BBS9: variants seen among roughly 807,000 people sequenced by gnomAD.
BBS9 encodes the protein protein PTHB1.
In BBS9, 89 loss-of-function variants were observed where a neutral mutation model predicts 117.7. That is an observed-to-expected ratio of 0.76 (90% CI 0.64 to 0.90). The LOEUF (loss-of-function observed/expected upper bound fraction) is 0.90, where lower values mean the gene tolerates loss of function less well. Ranked by LOEUF, BBS9 falls within the 40% of genes least tolerant of loss-of-function variation. The probability of loss-of-function intolerance (pLI) is 0.00; values close to 1 mark genes in which losing one functional copy is unlikely to be tolerated. For synonymous variants in BBS9, 379 were observed against 370.9 expected (o/e 1.02, Z -0.25); for missense variants, 982 against 1,042.2 (o/e 0.94, Z 0.80).
intron 19 of BBS9, among the ~76,000 whole-genome samples, chr7:33,436,652 T>C (rs1282107922): frequency 2.0e-5 from 3 of 152,236 alleles, no homozygotes; most frequent in Non-Finnish European, 4.4e-5. Context: ...AGTCAAGCTG[T>C]TCTCTCTGCC....
At chr7:33,543,144 A>G (rs1183187630) in intron 21 of BBS9, among the ~76,000 whole-genome samples, 1 of 152,084 alleles carries the variant, frequency 6.6e-6, no homozygotes, top group Non-Finnish European at 1.5e-5. Flanking sequence ...TTTTTTGATT[A>G]TGGCCATTCT....
intron 9 of BBS9, among the ~76,000 whole-genome samples, chr7:33,334,817 G>A (rs957327181): frequency 3.9e-5 from 6 of 152,198 alleles, no homozygotes; most frequent in Admixed American, 1.3e-4. Flanking sequence ...CAGCATCAGA[G>A]CCAGACTCAA....
At chr7:33,167,485 C>T (rs1311640588) in intron 4 of BBS9, among the ~76,000 whole-genome samples, 1 of 151,430 alleles carries the variant, frequency 6.6e-6, no homozygotes, top group Non-Finnish European at 1.5e-5. Context: ...TCATTGCAAC[C>T]TCTGCCTCCC....
chr7:33,351,946 T>C (rs1818742729), intron 14 of BBS9: 1 of 155,488 alleles, frequency 6.4e-6, no homozygotes, highest in Non-Finnish European at 1.4e-5. Flanking sequence ...AAGAATCAAT[T>C]GGGAAAGGGC....
rs1862452747 is a variant in BBS9, at chr7:33,594,707, G to T, written c.2522-10158G>T. Among the ~76,000 whole-genome samples, 6 of 152,088 alleles carry T rather than the reference G, an allele frequency of 3.9e-5. No homozygotes were observed. In the South Asian group the frequency reaches 1.0e-3, roughly 26 times the overall value. On this transcript the variant is annotated intron_variant, in intron 21 of 22. Coordinates refer to ENST00000242067, the MANE Select transcript of BBS9 (RefSeq NM_198428.3). ...CTAGAGAGCAACAGCAGCATTGAAT[G>T]GTGTCAACCTGATTCACCATGCTGT... is the stretch of plus-strand genomic sequence containing the variant.
intron 9 of BBS9, among the ~76,000 whole-genome samples, chr7:33,302,550 A>T (rs985982089): frequency 6.6e-6 from 1 of 152,082 alleles, no homozygotes; most frequent in African/African-American, 2.4e-5. Context: ...TCCTCAATTT[A>T]TGTTCTTGAC....
chr7:33,495,766 T>C (rs975623782), intron 19 of BBS9, among the ~76,000 whole-genome samples: 7 of 152,206 alleles, frequency 4.6e-5, no homozygotes, highest in Non-Finnish European at 1.0e-4. Flanking sequence ...TTTTTAACTT[T>C]ATATTAGCCA....
At chr7:33,244,331 G>A (rs571318073) in intron 5 of BBS9, among the ~76,000 whole-genome samples, 1 of 152,292 alleles carries the variant, frequency 6.6e-6, no homozygotes, top group African/African-American at 2.4e-5. Context: ...TGTTACAGGT[G>A]AATGAAATTC....
chr7:33,178,395 T>C (rs1797632272), intron 5 of BBS9, among the ~76,000 whole-genome samples: 1 of 152,204 alleles, frequency 6.6e-6, no homozygotes, highest in African/African-American at 2.4e-5. Context: ...CTTCATTGTG[T>C]CCACTCAGTC....
chr7:33,273,770 A>C (rs1361024605), intron 8 of BBS9, 57 bp from the exon 9 acceptor site: 7 of 1,530,262 alleles, frequency 4.6e-6, no homozygotes, highest in Non-Finnish European at 6.3e-6. Flanking sequence ...TAAAAGAGAT[A>C]TACTTTTCCA....
intron 5 of BBS9, among the ~76,000 whole-genome samples, chr7:33,243,439 C>T (rs960150427): frequency 6.6e-6 from 1 of 152,142 alleles, no homozygotes; most frequent in Non-Finnish European, 1.5e-5. Flanking sequence ...TAGTAAAAGC[C>T]TATGCAGTAT....
intron 4 of BBS9, among the ~76,000 whole-genome samples, chr7:33,170,800 A>C (rs1376144967): frequency 1.3e-5 from 2 of 151,494 alleles, no homozygotes; most frequent in Non-Finnish European, 2.9e-5. Flanking sequence ...GCATTCTTAT[A>C]CACCAACAAC....
chr7:33,188,111 TG>T (rs1562763173), intron 5 of BBS9, among the ~76,000 whole-genome samples: 4 of 5,002 alleles, frequency 8.0e-4, no homozygotes, highest in African/African-American at 3.0e-3. Context: ...TGTGTGTGTG[TG>T]GCGGGTGGGG....
intron 9 of BBS9, among the ~76,000 whole-genome samples, chr7:33,290,550 G>C (rs1803825560): frequency 6.6e-6 from 1 of 152,104 alleles, no homozygotes; most frequent in South Asian, 2.1e-4. Flanking sequence ...AGCCACTAAA[G>C]CATCGACATT....
chr7:33,315,676 T>C (rs1176824257), intron 9 of BBS9, among the ~76,000 whole-genome samples: 1 of 152,168 alleles, frequency 6.6e-6, no homozygotes. Context: ...AATATAGAGT[T>C]AAAATGTTAG....
intron 19 of BBS9, among the ~76,000 whole-genome samples, chr7:33,464,906 G>A (rs937901593): frequency 2.0e-5 from 3 of 151,950 alleles, no homozygotes; most frequent in Non-Finnish European, 4.4e-5. Flanking sequence ...GCTCACTGCA[G>A]CCTTGATATC....
chr7:33,426,949 C>A (rs1429976031), intron 19 of BBS9, among the ~76,000 whole-genome samples: 1 of 152,130 alleles, frequency 6.6e-6, no homozygotes, highest in Non-Finnish European at 1.5e-5. Context: ...TATCTCCCTG[C>A]AGAGCAGAGG....
intron 9 of BBS9, among the ~76,000 whole-genome samples, chr7:33,289,786 G>A (rs1377942784): frequency 6.6e-6 from 1 of 152,162 alleles, no homozygotes; most frequent in African/African-American, 2.4e-5. Context: ...GCTCACGCCT[G>A]TAATCCCAGC....
At chr7:33,148,817 C>T (rs1225419374) in intron 2 of BBS9, among the ~76,000 whole-genome samples, 1 of 151,658 alleles carries the variant, frequency 6.6e-6, no homozygotes, top group Non-Finnish European at 1.5e-5. Flanking sequence ...CAGACAGTGT[C>T]TCCTTGTGTT....
Sources: allele counts gnomAD v4.1 joint callset (sites outside exome capture counted in the v4.1 genomes callset), GRCh38; gene constraint gnomAD v4.1.1; transcripts MANE v1.5; gene names NCBI Gene and HGNC (gene_info 2026-07-23, HGNC 2026-07-21).